The following CACNA1S variants were observed in gnomAD, a reference collection of about 807,000 sequenced individuals.
The protein encoded by CACNA1S is voltage-dependent L-type calcium channel subunit alpha-1S.
CACNA1S carries 126 observed loss-of-function variants against 207.4 expected under a neutral mutation model. The ratio of observed to expected loss-of-function variants is 0.61; its 90% CI spans 0.53 to 0.70. The LOEUF is 0.70. CACNA1S is among the 30% of genes least tolerant of loss of function. The pLI, the probability that CACNA1S is intolerant of heterozygous loss-of-function variation, is 0.00. For missense variants in CACNA1S, 2,349 were observed against 2,422.8 expected (o/e 0.97, Z 0.64); for synonymous variants, 960 against 932.7 (o/e 1.03, Z -0.53).
At chr1:201,101,788 C>A (rs146256280) in intron 2 of CACNA1S, among the ~76,000 whole-genome samples, 84 of 152,206 alleles carry the variant, frequency 5.5e-4, no homozygotes, top group African/African-American at 2.0e-3. Flanking sequence ...TGGCCAGCCC[C>A]GATGGCCCTT....
chr1:201,044,429 C>T lies in CACNA1S; in HGVS notation c.4696G>A (p.Ala1566Thr). ...ACCGTGCGACAGATCTCGGGGGCTG[C>T]CTCTTCCTCAATGGTCCGCAGCCCT... ...QAGLRTIEEEAAPEICRTVSG... is the reference protein window; with the variant it reads ...QAGLRTIEEETAPEICRTVSG... The change falls in exon 39 of 44, where the codon GCA (alanine) becomes ACA (threonine). Residue 1566 changes from alanine to threonine, a missense_variant. By Grantham distance (58) the Ala-to-Thr change is moderately conservative (BLOSUM62 0). Coordinates refer to ENST00000362061, the MANE Select transcript of CACNA1S (RefSeq NM_000069.3). 1 of 1,613,310 alleles carries T rather than the reference C, an allele frequency of 6.2e-7. No individual in the cohort carries two copies. Among genetic ancestry groups the T allele is most frequent in the Admixed American group, 1.7e-5 (1 of 60,012 alleles).
chr1:201,073,043 C>T (rs538706280), intron 15 of CACNA1S, among the ~76,000 whole-genome samples: 4 of 152,194 alleles, frequency 2.6e-5, no homozygotes, highest in Non-Finnish European at 4.4e-5. Context: ...GGCCTGAGCC[C>T]GCCCTAGCCT....
At chr1:201,073,456 C>T in intron 15 of CACNA1S, 93 bp downstream of exon 15, 7 of 1,057,444 alleles carry the variant, frequency 6.6e-6, no homozygotes, top group Non-Finnish European at 1.0e-5. Flanking sequence ...CCTACCTCCC[C>T]ACCCTACCCC....
Position 201,053,091 on chromosome 1 carries a change from C to G in CACNA1S, c.3861+118G>C. 1 of 1,165,148 alleles carries G rather than the reference C, an allele frequency of 8.6e-7. No homozygotes were observed. The highest frequency in any genetic ancestry group is 1.7e-5 in the Admixed American group (1 of 59,092). The allele number at this position is 1,165,148 out of a possible 1,614,324, so 72.2% of individuals were successfully genotyped here. On this transcript the variant is annotated intron_variant, in intron 31 of 43. Coordinates refer to ENST00000362061, the MANE Select transcript of CACNA1S (RefSeq NM_000069.3). This position sits in a 1 kb window ranked among gnomAD's most constrained non-coding sequence, Gnocchi z 5.1. Reference sequence around the variant, plus strand: ...GTTGTCCCTCCTTCTTTCTCACGAGCAAGGCAGGGAGGGCGGAGGGTCCAG... The same window carrying G: ...GTTGTCCCTCCTTCTTTCTCACGAGGAAGGCAGGGAGGGCGGAGGGTCCAG...
chr1:201,069,597 G>A lies in CACNA1S; in HGVS notation c.2365C>T (p.Arg789Cys), dbSNP rs148895719. 39 of 1,554,178 alleles carry A rather than the reference G, an allele frequency of 2.5e-5. No homozygotes were observed. Among genetic ancestry groups the A allele is most frequent in the Middle Eastern group, 1.7e-4 (1 of 5,986 alleles). The change falls in exon 18 of 44, where the codon CGT becomes TGT. Residue 789 changes from arginine to cysteine, a missense_variant. Physicochemically the swap from Arg to Cys is radical, Grantham distance 180. Coordinates refer to ENST00000362061, the MANE Select transcript of CACNA1S (RefSeq NM_000069.3). ...TTGACGATGCGGTGACACAGGACAC[G>A]GATCCTGGTGGGGCGAGGTAGGGAG... The part of the protein sequence containing the change: ...FFIFSPTNKI[R>C]VLCHRIVNAT...
Position 201,043,317 on chromosome 1 carries a change from C to T in CACNA1S, c.5012G>A (p.Gly1671Asp). The T allele has an allele frequency of 6.2e-7, 1 of 1,614,186 alleles. No homozygotes were observed. The highest frequency in any genetic ancestry group is 8.5e-7 in the Non-Finnish European group (1 of 1,180,032). ...ATGGCTGTTGCTATGGTTGCTGTTGCCATAGGCGACATTGGCGTTGGCATT... is the reference window on the plus strand; with the variant it reads ...ATGGCTGTTGCTATGGTTGCTGTTGTCATAGGCGACATTGGCGTTGGCATT... ...TNNANANVAYGNSNHSNSHVF... is the reference protein window; with the variant it reads ...TNNANANVAYDNSNHSNSHVF... Residue 1671 changes from glycine (G) to aspartate (D), a missense_variant, in exon 40 of 44, where the codon GGC (glycine) becomes GAC (aspartate). By Grantham distance (94) the Gly-to-Asp change is moderately conservative. Coordinates refer to ENST00000362061, the MANE Select transcript of CACNA1S (RefSeq NM_000069.3).
At chr1:201,068,506 G>A (rs1257552669) in intron 19 of CACNA1S, among the ~76,000 whole-genome samples, 1 of 150,262 alleles carries the variant, frequency 6.7e-6, no homozygotes, top group Non-Finnish European at 1.5e-5. Context: ...GCCTCCCAAA[G>A]TGCTGGGATT....
At chr1:201,042,023 G>A (rs1660249491) in intron 40 of CACNA1S, 1 of 287,718 alleles carries the variant, frequency 3.5e-6, no homozygotes, top group Non-Finnish European at 6.8e-6. Flanking sequence ...CTAATGCACA[G>A]CCAAGGCTGA....
At chr1:201,072,682 G>T (rs1350668550) in intron 16 of CACNA1S, 73 bp downstream of exon 16, 5 of 1,089,894 alleles carry the variant, frequency 4.6e-6, no homozygotes, top group Non-Finnish European at 5.7e-6. Flanking sequence ...ACTGCCCATG[G>T]GGAGAATTCA....
At chr1:201,072,385 G>A (rs935926661) in intron 16 of CACNA1S, among the ~76,000 whole-genome samples, 6 of 152,026 alleles carry the variant, frequency 3.9e-5, no homozygotes, top group Non-Finnish European at 7.4e-5. Context: ...GCCTCATCAC[G>A]ACATATATGG....
rs1054344071 is a variant in CACNA1S, at chr1:201,083,463, G to A, written c.1233-141C>T. ...GCCACATGAGAGAAGCTCAGGGCAT[G>A]AGCTAGGGAGCCAGACTGAGTAAAA... On this transcript the variant is annotated intron_variant, in intron 9 of 43. Transcript: ENST00000362061. 6.2e-6 allele frequency: 5 copies of A among 806,558 alleles called. No homozygotes were observed. In the Admixed American group the frequency reaches 9.2e-5, roughly 15 times the overall value. 50.0% of individuals were successfully genotyped at this position (806,558 alleles called of 1,614,324 possible).
Position 201,087,830 on chromosome 1 carries a change from T to C in CACNA1S, c.1000A>G (p.Ser334Gly), listed in dbSNP as rs755801297. Residue 334 changes from serine to glycine, a missense_variant, in exon 7 of 44, where the codon AGT becomes GGT. Coordinates refer to ENST00000362061, the MANE Select transcript of CACNA1S (RefSeq NM_000069.3). ...GGCTACCTTTGAATTTCTTACCCAC[T>C]CAGGACACCCAGCACCAGGTTGAGG... ...FILNLVLGVL[S>G]GEFTKEREKA... is the part of the protein sequence containing the mutation. The C allele has an allele frequency of 6.2e-7, 1 of 1,601,420 alleles. No homozygotes were observed. Among genetic ancestry groups the C allele is most frequent in the Non-Finnish European group, 8.5e-7 (1 of 1,171,128 alleles).
chr1:201,092,174 GT>G, intron 3 of CACNA1S, 60 bp from the exon 4 acceptor site: 1 of 1,596,522 alleles, frequency 6.3e-7, no homozygotes, highest in Non-Finnish European at 8.6e-7. Context: ...TGCCCCAGTG[GT>G]CTGAGGCCCT....
At chr1:201,055,340 T>C (rs1391805710) in intron 28 of CACNA1S, among the ~76,000 whole-genome samples, 1 of 152,224 alleles carries the variant, frequency 6.6e-6, no homozygotes, top group Non-Finnish European at 1.5e-5. Flanking sequence ...CCACCCTGGC[T>C]GTATGTCAGA....
chr1:201,094,138 G>A (rs567237457), intron 2 of CACNA1S, 117 bp from the exon 3 acceptor site: 861 of 1,219,290 alleles, frequency 7.1e-4, no homozygotes, highest in Non-Finnish European at 9.8e-4. Flanking sequence ...ACCTCAGGAC[G>A]TTTGCACTTG....
chr1:201,092,435 C>T (rs1312609299), intron 3 of CACNA1S, among the ~76,000 whole-genome samples: 2 of 152,152 alleles, frequency 1.3e-5, no homozygotes, highest in African/African-American at 2.4e-5. Flanking sequence ...GTACCCCCAA[C>T]ACGGGCTGGA....
intron 22 of CACNA1S, among the ~76,000 whole-genome samples, chr1:201,063,052 G>A (rs930836891): frequency 2.0e-5 from 3 of 152,156 alleles, no homozygotes; most frequent in Non-Finnish European, 4.4e-5. Context: ...GAGTCAAGCG[G>A]GGTCCCATGT....
intron 28 of CACNA1S, among the ~76,000 whole-genome samples, chr1:201,056,554 C>A (rs3767503): frequency 0.43 from 65,366 of 152,096 alleles, 15,022 homozygotes; most frequent in South Asian, 0.65. Flanking sequence ...ATCAGCCAGC[C>A]CTTGGGTGAC....
chr1:201,096,522 G>T (rs945940777), intron 2 of CACNA1S, among the ~76,000 whole-genome samples: 2 of 152,188 alleles, frequency 1.3e-5, no homozygotes, highest in African/African-American at 4.8e-5. Context: ...CAAGATCAAA[G>T]TCACCAACCT....
Sources: allele counts gnomAD v4.1 joint callset (sites outside exome capture counted in the v4.1 genomes callset), GRCh38; gene constraint gnomAD v4.1.1; non-coding constraint Gnocchi (gnomAD v3.1); transcripts MANE v1.5; gene names NCBI Gene and HGNC (gene_info 2026-07-23, HGNC 2026-07-21).